RABEP1: variants seen among roughly 807,000 people sequenced by gnomAD.
The protein encoded by RABEP1 is rabaptin, RAB GTPase binding effector protein 1.
In RABEP1, 51 loss-of-function variants were observed where a neutral mutation model predicts 123.4. The ratio of observed to expected loss-of-function variants is 0.41; its 90% confidence interval spans 0.33 to 0.52. RABEP1 has a LOEUF of 0.52. Among genes scored for constraint, RABEP1 ranks in the 20% least tolerant of loss-of-function variants. The probability of loss-of-function intolerance (pLI) is 0.16; values close to 1 mark genes in which losing one functional copy is unlikely to be tolerated. For synonymous variants in RABEP1, 347 were observed against 355.2 expected (o/e 0.98, Z 0.26); for missense variants, 888 against 996.3 (o/e 0.89, Z 1.46).
Position 5,282,511 on chromosome 17 carries a change from C to T in RABEP1, c.25C>T (p.Gln9Ter). The change falls in exon 1 of 18, where the codon CAG becomes TAG. Residue 9 changes from glutamine to a stop codon, truncating the protein, a stop_gained. Transcript: ENST00000537505. LOFTEE classifies it high-confidence loss of function. ...CATGGCGCAGCCGGGCCCGGCTTCC[C>T]AGCCTGACGGTGAGGCGCCCACCAT... is the stretch of plus-strand genomic sequence containing the variant. The part of the protein sequence containing the change: MAQPGPAS[Q>*]PDVSLQQRVA... The T allele has an allele frequency of 8.0e-7, 1 of 1,253,824 alleles. No homozygotes were observed. The highest frequency in any genetic ancestry group is 1.0e-6 in the Non-Finnish European group (1 of 998,392). The allele number at this position is 1,253,824 out of a possible 1,614,324, so 77.7% of individuals were successfully genotyped here.
intron 1 of RABEP1, among the ~76,000 whole-genome samples, chr17:5,297,650 T>G (rs2075096038): frequency 6.6e-6 from 1 of 152,244 alleles, no homozygotes. Flanking sequence ...AATGAGCCAG[T>G]GTATAAAATA....
intron 11 of RABEP1, 81 bp downstream of exon 11, chr17:5,365,319 T>G (rs992226643): frequency 1.8e-4 from 173 of 983,038 alleles, no homozygotes; most frequent in Non-Finnish European, 2.4e-4. Flanking sequence ...ATAGTCATGT[T>G]TTTTTTTGCC....
In RABEP1 at chr17:5,301,727, G is replaced by A. The variant is rs748240834; in HGVS notation, c.35-6967G>A. Among the ~76,000 whole-genome samples the A allele has an allele frequency of 1.8e-4, 28 of 151,742 alleles. 1 individual carries two copies. The highest frequency in any genetic ancestry group is 1.8e-4 in the Non-Finnish European group (12 of 67,960). On this transcript the variant is annotated intron_variant, in intron 1 of 17. Coordinates refer to ENST00000537505, the MANE Select transcript of RABEP1 (RefSeq NM_004703.6). ...AATATCAACCTCCACCAAGATTTCAGGTGATATACCAAGGGTCTCTTAGGC... is the reference window on the plus strand; with the variant it reads ...AATATCAACCTCCACCAAGATTTCAAGTGATATACCAAGGGTCTCTTAGGC...
At chr17:5,358,849 C>T (rs767078589) in intron 8 of RABEP1, among the ~76,000 whole-genome samples, 2 of 152,182 alleles carry the variant, frequency 1.3e-5, no homozygotes, top group Non-Finnish European at 2.9e-5. Flanking sequence ...CAGCCCCGAT[C>T]TCCTGGGCTC....
chr17:5,305,264 G>A (rs1365553388), intron 1 of RABEP1, among the ~76,000 whole-genome samples: 3 of 152,014 alleles, frequency 2.0e-5, no homozygotes, highest in Non-Finnish European at 4.4e-5. Flanking sequence ...TACTTGAGGT[G>A]GATGATCACT....
At chr17:5,284,807 C>A (rs750999690) in intron 1 of RABEP1, among the ~76,000 whole-genome samples, 1 of 151,250 alleles carries the variant, frequency 6.6e-6, no homozygotes, top group Non-Finnish European at 1.5e-5. Context: ...CTCATGTAGA[C>A]CATTTTAGCT....
intron 15 of RABEP1, 194 bp downstream of exon 15, chr17:5,378,426 G>A (rs1196716509): frequency 1.8e-5 from 12 of 664,270 alleles, no homozygotes; most frequent in African/African-American, 1.1e-4. Context: ...GTCAGGCTAC[G>A]TTAAACTGGA....
At chr17:5,327,719 T>A (rs1906119755) in intron 2 of RABEP1, among the ~76,000 whole-genome samples, 2 of 152,208 alleles carry the variant, frequency 1.3e-5, no homozygotes, top group African/African-American at 4.8e-5. Context: ...GATCATTACC[T>A]TTTTGTTAAA....
chr17:5,365,129 A>C lies in RABEP1; in HGVS notation c.1676A>C (p.Lys559Thr). 6.3e-7 allele frequency: 1 copy of C among 1,598,798 alleles called. No homozygotes were observed. The highest frequency in any genetic ancestry group is 8.5e-7 in the Non-Finnish European group (1 of 1,175,238). The change falls in exon 11 of 18, where the codon AAA (lysine) becomes ACA (threonine). Residue 559 changes from lysine (K) to threonine (T), a missense_variant. Coordinates refer to ENST00000537505, the MANE Select transcript of RABEP1 (RefSeq NM_004703.6). ...QEAETRDQVK[K>T]LQLMLRQAND... ...ACTTTTAAAATGATACAGGTGAAAA[A>C]ACTACAGCTGATGCTAAGGCAAGCT...
intron 1 of RABEP1, among the ~76,000 whole-genome samples, chr17:5,285,432 T>A (rs747113089): frequency 3.3e-5 from 5 of 152,018 alleles, no homozygotes; most frequent in Non-Finnish European, 7.4e-5. Context: ...GCACCCAGCC[T>A]ACTTCATTAT....
At chr17:5,371,988 G>C (rs948987227) in intron 12 of RABEP1, among the ~76,000 whole-genome samples, 1 of 152,080 alleles carries the variant, frequency 6.6e-6, no homozygotes, top group Non-Finnish European at 1.5e-5. Flanking sequence ...CTTAAGGTAA[G>C]TGACTTTAGT....
At chr17:5,294,998 A>C (rs1320076549) in intron 1 of RABEP1, among the ~76,000 whole-genome samples, 2 of 151,982 alleles carry the variant, frequency 1.3e-5, no homozygotes, top group Non-Finnish European at 2.9e-5. Flanking sequence ...TTAAAAAAAA[A>C]CGTAAAAATT....
chr17:5,370,499 C>T (rs1437450936), intron 12 of RABEP1, among the ~76,000 whole-genome samples: 4 of 152,090 alleles, frequency 2.6e-5, no homozygotes, highest in African/African-American at 7.2e-5. Flanking sequence ...GTTGCCATGT[C>T]GCTTTAGTCA....
At chr17:5,346,966 A>G (rs760786878) in intron 6 of RABEP1, 41 bp downstream of exon 6, 17 of 1,480,316 alleles carry the variant, frequency 1.1e-5, no homozygotes, top group South Asian at 1.1e-4. Context: ...TCTAAGAACC[A>G]TATAAGTTAA....
chr17:5,329,178 A>G (rs1164771734), intron 2 of RABEP1, among the ~76,000 whole-genome samples: 1 of 152,138 alleles, frequency 6.6e-6, no homozygotes, highest in Non-Finnish European at 1.5e-5. Flanking sequence ...TACGTTAGAT[A>G]ATGTAGTATT....
chr17:5,386,014 T>C lies in RABEP1; in HGVS notation c.*2791T>C. 2 of 536,426 alleles carry C rather than the reference T, an allele frequency of 3.7e-6. No homozygotes were observed. The highest frequency in any genetic ancestry group is 5.8e-5 in the South Asian group (2 of 34,334). 33.2% of individuals were successfully genotyped at this position (536,426 alleles called of 1,614,324 possible). A position where few individuals can be genotyped will look rare whatever the true frequency, so the allele number is the denominator to read the frequency against. On this transcript the variant is annotated 3_prime_UTR_variant, in exon 18 of 18. Transcript: ENST00000537505. ...TGCTGAACACAACTGTAGGCTTGAG[T>C]TATAAAGCACATTCCAAATTTTAAA...
chr17:5,341,135 T>TC (rs1237466126), intron 5 of RABEP1, among the ~76,000 whole-genome samples: 1 of 148,596 alleles, frequency 6.7e-6, no homozygotes, highest in Non-Finnish European at 1.5e-5. Context: ...CAGAAGTGAG[T>TC]CCGAGTGTAG....
intron 5 of RABEP1, among the ~76,000 whole-genome samples, chr17:5,344,732 T>G (rs1195766204): frequency 2.3e-5 from 3 of 133,052 alleles, no homozygotes; most frequent in Non-Finnish European, 4.6e-5. Flanking sequence ...AGATCGTGCC[T>G]CTGCACTCCA....
intron 2 of RABEP1, among the ~76,000 whole-genome samples, chr17:5,327,464 A>G (rs985411078): frequency 4.6e-5 from 7 of 152,102 alleles, no homozygotes; most frequent in Non-Finnish European, 1.0e-4. Context: ...GGCAGTAAGA[A>G]TTTTTCAGCC....
Sources: gnomAD v4.1 joint callset for allele counts (sites outside exome capture counted in the v4.1 genomes callset) on GRCh38, gnomAD v4.1.1 for gene constraint, MANE v1.5 for transcripts, NCBI Gene and HGNC (gene_info 2026-07-23, HGNC 2026-07-21) for gene names.